SGTA: variants seen among roughly 807,000 people sequenced by gnomAD.
SGTA encodes the protein small glutamine-rich tetratricopeptide repeat-containing protein alpha.
SGTA carries 22 observed loss-of-function variants against 44.3 expected under a neutral mutation model. That is an observed-to-expected ratio of 0.50 (90% CI 0.36 to 0.71). The LOEUF (loss-of-function observed/expected upper bound fraction) is 0.71, where lower values mean the gene tolerates loss of function less well. Among genes scored for constraint, SGTA ranks in the 30% least tolerant of loss-of-function variants. The pLI is 0.00. For missense variants in SGTA, 341 were observed against 435.9 expected, an observed-to-expected ratio of 0.78 and a Z score of 1.94; for synonymous variants, 174 against 177.6, an observed-to-expected ratio of 0.98 and a Z score of 0.16.
intron 1 of SGTA, among the ~76,000 whole-genome samples, chr19:2,769,831 G>C (rs1287525733): frequency 2.8e-5 from 2 of 72,444 alleles, no homozygotes; most frequent in Non-Finnish European, 5.2e-5. Context: ...GGTTCCCCCA[G>C]CGGACACCCT....
chr19:2,755,542 TG>T lies in SGTA; in HGVS notation c.*397del. 1.0e-6 allele frequency: 1 copy of T among 985,954 alleles called. No individual in the cohort carries two copies. Among genetic ancestry groups the T allele is most frequent in the Non-Finnish European group, 1.2e-6 (1 of 830,074 alleles). 61.1% of individuals were successfully genotyped at this position (985,954 alleles called of 1,614,324 possible). A position where few individuals can be genotyped will look rare whatever the true frequency, so the allele number is the denominator to read the frequency against. ...GAGTTCCTGCAGACAGACCACGGGA[TG>T]GGGGGCGGGGGCTGTAAAAGGCTTT... On this transcript the variant is annotated 3_prime_UTR_variant, in exon 12 of 12. Transcript: ENST00000221566. This position sits in a 1 kb window ranked among gnomAD's most constrained non-coding sequence, Gnocchi z 5.2.
At position 2,755,457 on chromosome 19, in the gene SGTA, C is replaced by G. The variant is rs1914793783; in HGVS notation, c.*483G>C. 1 of 987,560 alleles carries G rather than the reference C, an allele frequency of 1.0e-6. No individual in the cohort carries two copies. Among genetic ancestry groups the G allele is most frequent in the African/African-American group, 1.7e-5 (1 of 57,338 alleles). The allele number at this position is 987,560 out of a possible 1,614,324, so 61.2% of individuals were successfully genotyped here. On this transcript the variant is annotated 3_prime_UTR_variant, in exon 12 of 12. Coordinates refer to ENST00000221566, the MANE Select transcript of SGTA (RefSeq NM_003021.4). The surrounding 1 kb of genome is among the most constrained non-coding windows in gnomAD (Gnocchi z 5.2). The stretch of plus-strand genomic sequence containing the variant: ...GCAGCTGGCAGTGAGCTCTTCCGAG[C>G]AGGCACAGGGCCGGGGTGGCCGGGA...
intron 1 of SGTA, among the ~76,000 whole-genome samples, chr19:2,776,969 AAAAG>A (rs1014294130): frequency 1.3e-5 from 2 of 151,762 alleles, no homozygotes; most frequent in Non-Finnish European, 2.9e-5. Context: ...TCTCAAAAAA[AAAAG>A]AAAGACTGGT....
At chr19:2,762,685 A>G (rs1441292307) in intron 6 of SGTA, 41 bp from the exon 7 acceptor site, 2 of 1,607,524 alleles carry the variant, frequency 1.2e-6, no homozygotes, top group Non-Finnish European at 1.7e-6. Context: ...CCATCTGCCC[A>G]GCTCCAGGAG....
chr19:2,761,340 T>C lies in SGTA; in HGVS notation c.699+120A>G, dbSNP rs1914982122. 4 of 949,568 alleles carry C rather than the reference T, an allele frequency of 4.2e-6. No homozygotes were observed. Among genetic ancestry groups the C allele is most frequent in the Non-Finnish European group, 6.5e-6 (4 of 615,930 alleles). 58.8% of individuals were successfully genotyped at this position (949,568 alleles called of 1,614,324 possible). The stretch of plus-strand genomic sequence containing the variant: ...AGGACGACCCCACAGACAAGACCCA[T>C]CTGGTTCCAGAAGCCAGCAGTGCCA... On this transcript the variant is annotated intron_variant, in intron 8 of 11. Transcript: ENST00000221566. This position sits in a 1 kb window ranked among gnomAD's most constrained non-coding sequence, Gnocchi z 5.7.
intron 4 of SGTA, among the ~76,000 whole-genome samples, chr19:2,766,545 GCCT>G (rs1915147611): frequency 6.6e-6 from 1 of 151,982 alleles, no homozygotes; most frequent in Non-Finnish European, 1.5e-5. Context: ...CAACTCTCCT[GCCT>G]CAGCCTCCTG....
chr19:2,760,866 G>A (rs755489599), intron 8 of SGTA, among the ~76,000 whole-genome samples: 2 of 152,204 alleles, frequency 1.3e-5, no homozygotes, highest in Non-Finnish European at 2.9e-5. Flanking sequence ...GTACCCTGAG[G>A]CTGTGGGAGC....
intron 1 of SGTA, among the ~76,000 whole-genome samples, chr19:2,771,575 CGG>C (rs5741784): frequency 0.014 from 1,561 of 109,176 alleles, 53 homozygotes; most frequent in East Asian, 0.053. Context: ...ACCTCCCCAT[CGG>C]GGGGGGGGGG....
chr19:2,755,318 G>A lies in SGTA; in HGVS notation c.*622C>T. 2.7e-6 allele frequency: 2 copies of A among 750,144 alleles called. No individual in the cohort carries two copies. The highest frequency in any genetic ancestry group is 3.3e-6 in the Non-Finnish European group (2 of 613,106). 46.5% of individuals were successfully genotyped at this position (750,144 alleles called of 1,614,324 possible). On this transcript the variant is annotated 3_prime_UTR_variant, in exon 12 of 12. Transcript: ENST00000221566. The surrounding 1 kb of genome is among the most constrained non-coding windows in gnomAD (Gnocchi z 5.2). The stretch of plus-strand genomic sequence containing the variant: ...GAAAAGTCACAGAAACTGGTCCTAT[G>A]CACCCAGGACGGCTCCTGAGCCGCG...
intron 2 of SGTA, among the ~76,000 whole-genome samples, 176 bp downstream of exon 2, chr19:2,768,793 T>C (rs1915219622): frequency 6.6e-6 from 1 of 152,228 alleles, no homozygotes; most frequent in South Asian, 2.1e-4. Flanking sequence ...AGCTCGGCCC[T>C]GGCTCCCACG....
chr19:2,774,214 G>A (rs572079914), intron 1 of SGTA, among the ~76,000 whole-genome samples: 1 of 152,198 alleles, frequency 6.6e-6, no homozygotes, highest in Non-Finnish European at 1.5e-5. Context: ...CTCAGTCCTC[G>A]TGACGACTCC....
chr19:2,763,612 C>G lies in SGTA; in HGVS notation c.497+41G>C. On this transcript the variant is annotated intron_variant, in intron 6 of 11. Coordinates refer to ENST00000221566, the MANE Select transcript of SGTA (RefSeq NM_003021.4). The surrounding 1 kb of genome is among the most constrained non-coding windows in gnomAD (Gnocchi z 5.8). The stretch of plus-strand genomic sequence containing the variant: ...GAAGCAGGAGCAGGAGAGGAGGGGT[C>G]CCGAGAGACTGGAAAGGCGCGGCCG... 1 of 1,398,018 alleles carries G rather than the reference C, an allele frequency of 7.2e-7. No homozygotes were observed. The highest frequency in any genetic ancestry group is 1.0e-6 in the Non-Finnish European group (1 of 997,706). 86.6% of individuals were successfully genotyped at this position (1,398,018 alleles called of 1,614,324 possible). A position where few individuals can be genotyped will look rare whatever the true frequency, so the allele number is the denominator to read the frequency against.
Position 2,759,259 on chromosome 19 carries a change from C to G in SGTA, c.735G>C (p.Gln245His), listed in dbSNP as rs756419187. 6.2e-7 allele frequency: 1 copy of G among 1,614,044 alleles called. No homozygotes were observed. The highest frequency in any genetic ancestry group is 1.1e-5 in the South Asian group (1 of 91,068). Residue 245 changes from glutamine to histidine, a missense_variant and splice_region_variant, in exon 9 of 12, where the codon CAG becomes CAC. Coordinates refer to ENST00000221566, the MANE Select transcript of SGTA (RefSeq NM_003021.4). ...SNLMNNPQIQ[Q>H]LMSGMISGGN... ...GAAGAAACCCGGTTGTCACTTACAGCTGCTGAATCTGGGGATTGTTCATTA... is the reference window on the plus strand; with the variant it reads ...GAAGAAACCCGGTTGTCACTTACAGGTGCTGAATCTGGGGATTGTTCATTA...
rs1568309049 is a variant in SGTA, at chr19:2,763,879, C to G, written c.393-122G>C. ...TCCTGGAGGAACGGCCTCAGTTTTCCCCATCTGTAAAATGGGGCTGATGGG... is the reference window on the plus strand; with the variant it reads ...TCCTGGAGGAACGGCCTCAGTTTTCGCCATCTGTAAAATGGGGCTGATGGG... On this transcript the variant is annotated intron_variant, in intron 5 of 11. Transcript: ENST00000221566. The surrounding 1 kb of genome is among the most constrained non-coding windows in gnomAD (Gnocchi z 5.8). 2.8e-6 allele frequency: 2 copies of G among 714,698 alleles called. No homozygotes were observed. The highest frequency in any genetic ancestry group is 4.6e-6 in the Non-Finnish European group (2 of 432,722). 44.3% of individuals were successfully genotyped at this position (714,698 alleles called of 1,614,324 possible).
intron 1 of SGTA, among the ~76,000 whole-genome samples, chr19:2,772,752 T>C (rs1915342041): frequency 1.3e-5 from 2 of 152,096 alleles, no homozygotes; most frequent in South Asian, 4.2e-4. Flanking sequence ...ACTGTGTGGA[T>C]GTGAAGGCAG....
chr19:2,776,196 C>A (rs2099630921), intron 1 of SGTA, among the ~76,000 whole-genome samples: 1 of 152,242 alleles, frequency 6.6e-6, no homozygotes, highest in Admixed American at 6.5e-5. Flanking sequence ...AAAACAGACA[C>A]ATGCCACCCG....
intron 1 of SGTA, among the ~76,000 whole-genome samples, chr19:2,774,691 T>G (rs1037204339): frequency 6.6e-6 from 1 of 152,060 alleles, no homozygotes; most frequent in Non-Finnish European, 1.5e-5. Flanking sequence ...TACCTGCCCA[T>G]GAACATTGGC....
intron 1 of SGTA, among the ~76,000 whole-genome samples, chr19:2,769,667 G>A (rs1915244364): frequency 6.6e-6 from 1 of 152,184 alleles, no homozygotes; most frequent in African/African-American, 2.4e-5. Context: ...GACTTGCAGA[G>A]GACTCCCCCC....
rs535898156 is a variant in SGTA, at chr19:2,755,593, GCTGAACGTGAAAC to G, written c.*334_*346del. On this transcript the variant is annotated 3_prime_UTR_variant, in exon 12 of 12. Transcript: ENST00000221566. This position sits in a 1 kb window ranked among gnomAD's most constrained non-coding sequence, Gnocchi z 5.2. Reference sequence around the variant, plus strand: ...TGGAAGCCACACGATCCGCCACACGGCTGAACGTGAAACCTGCCACTTCTCTGAGAGCGGCCCG... The same window carrying G: ...TGGAAGCCACACGATCCGCCACACGGCTGCCACTTCTCTGAGAGCGGCCCG... The G allele has an allele frequency of 1.8e-4, 173 of 985,594 alleles. 1 individual carries two copies. In the Admixed American group the frequency reaches 9.1e-3, roughly 52 times the overall value. 61.1% of individuals were successfully genotyped at this position (985,594 alleles called of 1,614,324 possible). A position where few individuals can be genotyped will look rare whatever the true frequency, so the allele number is the denominator to read the frequency against.
Sources: gnomAD v4.1 joint callset for allele counts (sites outside exome capture counted in the v4.1 genomes callset) on GRCh38, gnomAD v4.1.1 for gene constraint, Gnocchi (gnomAD v3.1) non-coding constraint, MANE v1.5 for transcripts, NCBI Gene and HGNC (gene_info 2026-07-23, HGNC 2026-07-21) for gene names.